Variants in PCDHGB6 observed in about 807,000 individuals in gnomAD.
The protein encoded by PCDHGB6 is protocadherin gamma subfamily B, 6.
In PCDHGB6, 51 loss-of-function variants were observed where a neutral mutation model predicts 59.1. The observed-to-expected ratio is 0.86, with a 90% confidence interval of 0.69 to 1.09. The LOEUF (loss-of-function observed/expected upper bound fraction) is 1.09. Ranked by LOEUF, PCDHGB6 falls within the 50% of genes least tolerant of loss-of-function variation. PCDHGB6 has a pLI of 0.00. For missense variants in PCDHGB6, 1,148 were observed against 1,205.1 expected, an observed-to-expected ratio of 0.95 and a Z score of 0.70; for synonymous variants, 466 against 495.1, an observed-to-expected ratio of 0.94 and a Z score of 0.78.
chr5:141,439,673 C>G (rs1468476569), intron 1 of PCDHGB6, among the ~76,000 whole-genome samples: 1 of 152,174 alleles, frequency 6.6e-6, no homozygotes, highest in Non-Finnish European at 1.5e-5. Flanking sequence ...AATGCAAATC[C>G]AAGAGCAGAC....
chr5:141,473,655 G>A (rs2099326380), intron 1 of PCDHGB6, among the ~76,000 whole-genome samples: 1 of 152,182 alleles, frequency 6.6e-6, no homozygotes, highest in Non-Finnish European at 1.5e-5. Context: ...AACAATTTGT[G>A]TGAAGGCCCT....
chr5:141,415,105 C>T (rs1472993181), intron 1 of PCDHGB6: 1 of 1,613,652 alleles, frequency 6.2e-7, no homozygotes, highest in African/African-American at 1.3e-5. Flanking sequence ...CGCGCTCAAG[C>T]AAAGCCTCGT....
intron 1 of PCDHGB6, chr5:141,414,638 A>G: frequency 6.2e-7 from 1 of 1,613,988 alleles, no homozygotes; most frequent in Non-Finnish European, 8.5e-7. Flanking sequence ...AGCAAAGAGA[A>G]TGCCCAGATT....
intron 1 of PCDHGB6, among the ~76,000 whole-genome samples, chr5:141,456,955 T>A (rs1352654794): frequency 2.6e-5 from 4 of 151,974 alleles, no homozygotes; most frequent in African/African-American, 7.3e-5. Flanking sequence ...AGAGCAAAAC[T>A]CCATCTCAAA....
Position 141,408,762 on chromosome 5 carries a change from A to G in PCDHGB6, c.560A>G (p.Asp187Gly), listed in dbSNP as rs369793035. 1.9e-5 allele frequency: 30 copies of G among 1,610,942 alleles called. No individual in the cohort carries two copies. The highest frequency in any genetic ancestry group is 2.3e-5 in the Non-Finnish European group (27 of 1,178,454). The change falls in exon 1 of 4, where the codon GAT (aspartate) becomes GGT (glycine). Residue 187 changes from aspartate to glycine, a missense_variant. By Grantham distance (94) the Asp-to-Gly change is moderately conservative. Transcript: ENST00000520790. ...YFSLMVRVNS[D>G]GGKYPELSLE... is the part of the protein sequence containing the mutation. ...TCATTAATGGTTAGAGTTAATTCCG[A>G]TGGTGGCAAATACCCAGAGTTATCT...
intron 1 of PCDHGB6, chr5:141,478,786 C>T: frequency 6.8e-7 from 1 of 1,480,998 alleles, no homozygotes; most frequent in Non-Finnish European, 9.0e-7. Context: ...ACCTAATTCA[C>T]ATCCTCAGCA....
At chr5:141,500,222 T>TGA (rs1355843194) in intron 2 of PCDHGB6, among the ~76,000 whole-genome samples, 1 of 146,758 alleles carries the variant, frequency 6.8e-6, no homozygotes, top group Non-Finnish European at 1.5e-5. Flanking sequence ...ATTTATTTAT[T>TGA]TATTGATACG....
chr5:141,416,745 C>T (rs186830862), intron 1 of PCDHGB6: 5 of 152,194 alleles, frequency 3.3e-5, no homozygotes, highest in South Asian at 2.1e-4. Flanking sequence ...AAAATAGTGA[C>T]GTATTAGGTA....
Position 141,432,480 on chromosome 5 carries a change from G to T in PCDHGB6, c.2418+21860G>T, listed in dbSNP as rs775075732. On this transcript the variant is annotated intron_variant, in intron 1 of 3. Transcript: ENST00000520790. This position sits in a 1 kb window ranked among gnomAD's most constrained non-coding sequence, Gnocchi z 6.0. ...GCCCTCCCCACGGACGGTTCCACTG[G>T]CGTGGAGCTGGCTCCCCGCTCCGCA... The T allele has an allele frequency of 1.9e-6, 3 of 1,614,180 alleles. No individual in the cohort carries two copies. The highest frequency in any genetic ancestry group is 2.2e-5 in the South Asian group (2 of 91,078).
chr5:141,477,393 G>C lies in PCDHGB6; in HGVS notation c.2419-17414G>C. ...GAGACTGTGCCAGAATACAACCTCA[G>C]CATCACCGCCCGAGACGCCGGAACC... On this transcript the variant is annotated intron_variant, in intron 1 of 3. Coordinates refer to ENST00000520790, the MANE Select transcript of PCDHGB6 (RefSeq NM_018926.3). The surrounding 1 kb of genome is among the most constrained non-coding windows in gnomAD (Gnocchi z 4.9). The C allele has an allele frequency of 6.2e-7, 1 of 1,614,098 alleles. No individual in the cohort carries two copies. The highest frequency in any genetic ancestry group is 8.5e-7 in the Non-Finnish European group (1 of 1,180,028).
chr5:141,413,559 T>A, intron 1 of PCDHGB6: 1 of 1,613,862 alleles, frequency 6.2e-7, no homozygotes. Flanking sequence ...TAGAAGTAAC[T>A]GATATCAATG....
chr5:141,431,879 C>T lies in PCDHGB6; in HGVS notation c.2418+21259C>T. 1 of 1,614,162 alleles carries T rather than the reference C, an allele frequency of 6.2e-7. No individual in the cohort carries two copies. The highest frequency in any genetic ancestry group is 8.5e-7 in the Non-Finnish European group (1 of 1,179,970). ...AATTGCCCTTTTAAATGTAAATGAC[C>T]AAGATTCTGAGGAAAACGGACAGGT... On this transcript the variant is annotated intron_variant, in intron 1 of 3. Coordinates refer to ENST00000520790, the MANE Select transcript of PCDHGB6 (RefSeq NM_018926.3). The surrounding 1 kb of genome is among the most constrained non-coding windows in gnomAD (Gnocchi z 4.8).
intron 1 of PCDHGB6, among the ~76,000 whole-genome samples, chr5:141,475,732 C>T (rs2099367914): frequency 6.6e-6 from 1 of 152,248 alleles, no homozygotes; most frequent in Non-Finnish European, 1.5e-5. Context: ...GCTGGCTTTC[C>T]CTAAGGTAGG....
At chr5:141,445,213 A>C (rs775782586) in intron 1 of PCDHGB6, among the ~76,000 whole-genome samples, 1 of 152,226 alleles carries the variant, frequency 6.6e-6, no homozygotes, top group Non-Finnish European at 1.5e-5. Context: ...TTGAAAAGTA[A>C]GAGGTGCAAA....
rs369942815 is a variant in PCDHGB6, at chr5:141,485,334, T to A, written c.2419-9473T>A. 5.4e-5 allele frequency: 87 copies of A among 1,614,056 alleles called. No individual in the cohort carries two copies. Among genetic ancestry groups the A allele is most frequent in the Non-Finnish European group, 7.0e-5 (83 of 1,180,026 alleles). On this transcript the variant is annotated intron_variant, in intron 1 of 3. Coordinates refer to ENST00000520790, the MANE Select transcript of PCDHGB6 (RefSeq NM_018926.3). The surrounding 1 kb of genome is among the most constrained non-coding windows in gnomAD (Gnocchi z 5.7). Reference sequence around the variant, plus strand: ...GGGAATGTCGCTCAAGATTTCCTGCTGGATACGGACAGTCTGTCAGCTCGC... The same window carrying A: ...GGGAATGTCGCTCAAGATTTCCTGCAGGATACGGACAGTCTGTCAGCTCGC...
intron 1 of PCDHGB6, chr5:141,422,492 C>A (rs747903569): frequency 2.5e-6 from 4 of 1,613,816 alleles, no homozygotes; most frequent in African/African-American, 2.7e-5. Flanking sequence ...TACAATATAA[C>A]GTTGACAGCC....
chr5:141,481,619 A>T (rs1303171847), intron 1 of PCDHGB6, among the ~76,000 whole-genome samples: 1 of 152,128 alleles, frequency 6.6e-6, no homozygotes, highest in Non-Finnish European at 1.5e-5. Flanking sequence ...GGAGTTCAAG[A>T]CCGGCCTGGC....
chr5:141,494,607 C>T (rs2099755630), intron 1 of PCDHGB6, among the ~76,000 whole-genome samples, 200 bp from the exon 2 acceptor site: 2 of 152,092 alleles, frequency 1.3e-5, no homozygotes, highest in South Asian at 2.1e-4. Flanking sequence ...TGTGATTTAT[C>T]TCTTGGTTTC....
intron 1 of PCDHGB6, chr5:141,478,028 G>A (rs2099428840): frequency 6.2e-7 from 1 of 1,614,060 alleles, no homozygotes; most frequent in South Asian, 1.1e-5. Flanking sequence ...CCAAGACACA[G>A]ATTCACCCAG....
Sources: gnomAD v4.1 joint callset for allele counts (sites outside exome capture counted in the v4.1 genomes callset) on GRCh38, gnomAD v4.1.1 for gene constraint, Gnocchi (gnomAD v3.1) non-coding constraint, MANE v1.5 for transcripts, NCBI Gene and HGNC (gene_info 2026-07-23, HGNC 2026-07-21) for gene names.